RAD51C: variants seen among roughly 807,000 people sequenced by gnomAD.
The protein encoded by RAD51C is RAD51 paralog C.
Under a neutral mutation model 45.0 loss-of-function variants are expected in RAD51C, and 42 were observed. That is an observed-to-expected ratio of 0.93 (90% CI 0.73 to 1.21). The LOEUF is 1.21. Ranked by LOEUF, RAD51C falls within the 50% of genes most tolerant of loss-of-function variation. RAD51C has a pLI of 0.00. For missense variants in RAD51C, 474 were observed against 452.2 expected (o/e 1.05, Z -0.44); for synonymous variants, 172 against 159.8 (o/e 1.08, Z -0.58).
At chr17:58,711,584 C>T (rs1377319163) in intron 5 of RAD51C, among the ~76,000 whole-genome samples, 1 of 152,048 alleles carries the variant, frequency 6.6e-6, no homozygotes, top group Non-Finnish European at 1.5e-5. Context: ...CCTCAGCCTC[C>T]CTAGTAGCTG....
At chr17:58,718,153 C>G (rs762978523) in intron 5 of RAD51C, among the ~76,000 whole-genome samples, 7 of 152,028 alleles carry the variant, frequency 4.6e-5, no homozygotes, top group Non-Finnish European at 8.8e-5. Flanking sequence ...CCCGCCCCAA[C>G]GTTCGGCTAA....
rs1185106529 is a variant in RAD51C, at chr17:58,696,306, G to T, written c.405-387G>T. On this transcript the variant is annotated intron_variant, in intron 2 of 8. Transcript: ENST00000337432. ...GAATTAGCCGGGCGTGGTGGCGGGT[G>T]CTTGTAGTCCTAGCTACTCGGGCAG... 2.0e-5 allele frequency among the ~76,000 whole-genome samples: 3 copies of T among 152,024 alleles called. 1 individual carries two copies. Among genetic ancestry groups the T allele is most frequent in the Non-Finnish European group, 4.4e-5 (3 of 68,032 alleles).
intron 5 of RAD51C, among the ~76,000 whole-genome samples, chr17:58,712,518 G>A (rs1031040871): frequency 2.8e-4 from 43 of 152,120 alleles, no homozygotes; most frequent in African/African-American, 9.6e-4. Flanking sequence ...ACAAACTTAC[G>A]TTTTAGAAAA....
At chr17:58,715,316 TG>T (rs1555600623) in intron 5 of RAD51C, among the ~76,000 whole-genome samples, 1 of 89,290 alleles carries the variant, frequency 1.1e-5, no homozygotes, top group Non-Finnish European at 3.3e-5. Context: ...TAGCCAGTTG[TG>T]GTGGCAGGTG....
rs2143849867 is a variant in RAD51C, at chr17:58,709,855, T to A, written c.706-4T>A. 1 of 1,602,918 alleles carries A rather than the reference T, an allele frequency of 6.2e-7. No individual in the cohort carries two copies. Among genetic ancestry groups the A allele is most frequent in the Non-Finnish European group, 8.5e-7 (1 of 1,169,948 alleles). Reference sequence around the variant, plus strand: ...AAATCTAATATTATCTCTTCTGTATTTAGGTTCGACTAGTGATAGTGGATG... The same window carrying A: ...AAATCTAATATTATCTCTTCTGTATATAGGTTCGACTAGTGATAGTGGATG... On this transcript the variant is annotated splice_region_variant and splice_polypyrimidine_tract_variant and intron_variant, in intron 4 of 8. Coordinates refer to ENST00000337432, the MANE Select transcript of RAD51C (RefSeq NM_058216.3).
At chr17:58,713,959 C>G (rs960208895) in intron 5 of RAD51C, among the ~76,000 whole-genome samples, 5 of 151,848 alleles carry the variant, frequency 3.3e-5, no homozygotes, top group Non-Finnish European at 4.4e-5. Context: ...GTTTTTTTAA[C>G]CACCTCCTTA....
At position 58,735,270 on chromosome 17, in the gene RAD51C, A is replaced by G. The variant is rs2049590778; in HGVS notation, c.*1048A>G. ...GAGTGCAGTGGCATGATCATAGCTC[A>G]CTGCAGCCTCGACCTCCCGGGCTCA... On this transcript the variant is annotated 3_prime_UTR_variant, in exon 9 of 9. Coordinates refer to ENST00000337432, the MANE Select transcript of RAD51C (RefSeq NM_058216.3). 1 of 152,256 alleles carries G rather than the reference A, an allele frequency of 6.6e-6. No individual in the cohort carries two copies. The highest frequency in any genetic ancestry group is 1.5e-5 in the Non-Finnish European group (1 of 68,148). 9.4% of individuals were successfully genotyped at this position (152,256 alleles called of 1,614,324 possible).
intron 7 of RAD51C, among the ~76,000 whole-genome samples, chr17:58,726,599 T>C (rs372398479): frequency 9.0e-6 from 1 of 110,706 alleles, no homozygotes; most frequent in South Asian, 2.7e-4. Context: ...TGTATATATG[T>C]ATATACGTGT....
At chr17:58,713,372 G>A (rs1031204153) in intron 5 of RAD51C, among the ~76,000 whole-genome samples, 4 of 151,844 alleles carry the variant, frequency 2.6e-5, no homozygotes, top group African/African-American at 9.7e-5. Flanking sequence ...ACAGGGTCTC[G>A]CTCTGTCATC....
chr17:58,713,289 G>A (rs2048621962), intron 5 of RAD51C, among the ~76,000 whole-genome samples: 1 of 152,042 alleles, frequency 6.6e-6, no homozygotes, highest in South Asian at 2.1e-4. Flanking sequence ...CAGCTGCATA[G>A]TATTTTGCTG....
chr17:58,732,858 T>G (rs1468910165), intron 8 of RAD51C: 1 of 327,966 alleles, frequency 3.0e-6, no homozygotes, highest in Non-Finnish European at 5.8e-6. Flanking sequence ...GAAAAAATAC[T>G]AACATTACTT....
intron 1 of RAD51C, chr17:58,693,857 A>C (rs983495806): frequency 1.3e-5 from 2 of 152,242 alleles, no homozygotes; most frequent in Non-Finnish European, 2.9e-5. Flanking sequence ...TAATTCCAGC[A>C]TTCAGGCTCT....
At chr17:58,718,702 G>C (rs755781202) in intron 5 of RAD51C, among the ~76,000 whole-genome samples, 11 of 152,080 alleles carry the variant, frequency 7.2e-5, no homozygotes, top group Non-Finnish European at 1.2e-4. Context: ...CATTTGACCT[G>C]ACTACTAGGA....
intron 7 of RAD51C, among the ~76,000 whole-genome samples, chr17:58,727,127 CTT>C (rs1268900552): frequency 9.1e-5 from 12 of 131,710 alleles, no homozygotes; most frequent in Non-Finnish European, 6.6e-5. Context: ...GCCTTATAAA[CTT>C]TTTTTTTTTT....
Position 58,733,811 on chromosome 17 carries a change from C to T in RAD51C, c.1027-307C>T, listed in dbSNP as rs28363334. Among the ~76,000 whole-genome samples, 18 of 152,250 alleles carry T rather than the reference C, an allele frequency of 1.2e-4. No homozygotes were observed. In the East Asian group the frequency reaches 3.3e-3, roughly 28 times the overall value. On this transcript the variant is annotated intron_variant, in intron 8 of 8. Coordinates refer to ENST00000337432, the MANE Select transcript of RAD51C (RefSeq NM_058216.3). Reference sequence around the variant, plus strand: ...TTGTCTCACTGCAACCTCCGCCTCCCAGGTTCAAGCGATTCTCCTGCCTCA... The same window carrying T: ...TTGTCTCACTGCAACCTCCGCCTCCTAGGTTCAAGCGATTCTCCTGCCTCA...
chr17:58,694,201 G>A (rs536807621), intron 1 of RAD51C: 1 of 151,402 alleles, frequency 6.6e-6, no homozygotes, highest in South Asian at 2.1e-4. Flanking sequence ...AATAATACAT[G>A]CATATGTGCT....
intron 4 of RAD51C, among the ~76,000 whole-genome samples, chr17:58,708,247 G>C (rs867874094): frequency 1.3e-5 from 2 of 151,782 alleles, no homozygotes; most frequent in South Asian, 2.1e-4. Flanking sequence ...TTTTATTAGT[G>C]TTCACCTGTT....
intron 1 of RAD51C, chr17:58,694,691 T>C (rs537873365): frequency 4.2e-6 from 2 of 481,422 alleles, no homozygotes; most frequent in East Asian, 4.0e-5. Flanking sequence ...GCCAGGCTGG[T>C]CTTCAACTCC....
chr17:58,729,190 T>C (rs1262021923), intron 7 of RAD51C, among the ~76,000 whole-genome samples: 1 of 152,188 alleles, frequency 6.6e-6, no homozygotes, highest in Non-Finnish European at 1.5e-5. Context: ...TATTTTTACC[T>C]AGAAATTTGA....
Sources: allele counts gnomAD v4.1 joint callset (sites outside exome capture counted in the v4.1 genomes callset), GRCh38; gene constraint gnomAD v4.1.1; transcripts MANE v1.5; gene names NCBI Gene and HGNC (gene_info 2026-07-23, HGNC 2026-07-21).